The following LRP1B variants were observed in gnomAD, a reference collection of about 807,000 sequenced individuals.
LRP1B encodes LDL receptor related protein 1B, also known as low-density lipoprotein receptor-related protein 1B.
Under a neutral mutation model 556.6 loss-of-function variants are expected in LRP1B, and 217 were observed. The ratio of observed to expected loss-of-function variants is 0.39; its 90% CI spans 0.35 to 0.44. LRP1B has a LOEUF of 0.44. LRP1B is among the 20% of genes least tolerant of loss of function. The pLI is 1.00. For synonymous variants in LRP1B, 2,047 were observed against 1,865.8 expected, an observed-to-expected ratio of 1.10 and a Z score of -2.50; for missense variants, 5,053 against 5,620.8, an observed-to-expected ratio of 0.90 and a Z score of 3.23.
At chr2:140,724,638 G>A (rs1574284753) in intron 35 of LRP1B, among the ~76,000 whole-genome samples, 1 of 152,062 alleles carries the variant, frequency 6.6e-6, no homozygotes, top group Non-Finnish European at 1.5e-5. Flanking sequence ...ACTATTTTCA[G>A]TTAATGTAGT....
In LRP1B at chr2:140,977,393, C is replaced by T. The variant is rs80109800; in HGVS notation, c.2887+4767G>A. 2.3e-4 allele frequency among the ~76,000 whole-genome samples: 35 copies of T among 152,168 alleles called. 1 individual carries two copies. In the East Asian group the frequency reaches 4.6e-3, roughly 20 times the overall value. The stretch of plus-strand genomic sequence containing the variant: ...TTTCTTTTGTAAATTGTCCAGTCTA[C>T]GGTATGTCTTCACCAGCAGCGTGAA... On this transcript the variant is annotated intron_variant, in intron 18 of 90. Transcript: ENST00000389484.
At chr2:140,479,037 C>A (rs1388730296) in intron 59 of LRP1B, among the ~76,000 whole-genome samples, 3 of 151,702 alleles carry the variant, frequency 2.0e-5, no homozygotes, top group Non-Finnish European at 4.4e-5. Flanking sequence ...TTTAAGTATT[C>A]GTCAAGCAGA....
chr2:141,815,844 A>G (rs2381152), intron 1 of LRP1B, among the ~76,000 whole-genome samples: 85,091 of 151,234 alleles, frequency 0.56, 24,976 homozygotes, highest in African/African-American at 0.74. Flanking sequence ...AACACTCACT[A>G]TTAAGGTCCG....
At chr2:142,104,119 G>C (rs1706663553) in intron 1 of LRP1B, among the ~76,000 whole-genome samples, 1 of 152,038 alleles carries the variant, frequency 6.6e-6, no homozygotes, top group Non-Finnish European at 1.5e-5. Flanking sequence ...GTAGAAAAAA[G>C]ATGACACACA....
intron 1 of LRP1B, among the ~76,000 whole-genome samples, chr2:141,990,987 G>A (rs957422991): frequency 1.3e-5 from 2 of 151,904 alleles, no homozygotes; most frequent in Admixed American, 6.6e-5. Context: ...CGGGTAACTG[G>A]TACATAGGTC....
chr2:141,923,413 A>G (rs1700243821), intron 1 of LRP1B, among the ~76,000 whole-genome samples: 1 of 138,380 alleles, frequency 7.2e-6, no homozygotes, highest in African/African-American at 2.6e-5. Context: ...CTATATATAT[A>G]TATATATATA....
At chr2:140,415,576 C>T (rs1685157593) in intron 66 of LRP1B, among the ~76,000 whole-genome samples, 1 of 152,126 alleles carries the variant, frequency 6.6e-6, no homozygotes, top group Non-Finnish European at 1.5e-5. Flanking sequence ...AAAATAGAAC[C>T]TACACTGAAA....
intron 75 of LRP1B, among the ~76,000 whole-genome samples, chr2:140,355,962 C>T (rs1039886813): frequency 1.3e-5 from 2 of 151,778 alleles, no homozygotes; most frequent in African/African-American, 4.8e-5. Flanking sequence ...TTTACCTATT[C>T]CAGTATTGCA....
intron 2 of LRP1B, among the ~76,000 whole-genome samples, chr2:141,675,163 C>T (rs549391378): frequency 7.8e-4 from 118 of 151,972 alleles, no homozygotes; most frequent in African/African-American, 2.6e-3. Flanking sequence ...AGACATTGTA[C>T]ACTAAATGCA....
intron 37 of LRP1B, 93 bp downstream of exon 37, chr2:140,715,880 C>T (rs2105460683): frequency 9.7e-7 from 1 of 1,035,708 alleles, no homozygotes; most frequent in Admixed American, 2.6e-5. Context: ...GATTTTGTCT[C>T]AGACATTACA....
At chr2:141,891,190 A>T in intron 1 of LRP1B, among the ~76,000 whole-genome samples, 1 of 152,094 alleles carries the variant, frequency 6.6e-6, no homozygotes, top group East Asian at 1.9e-4. Flanking sequence ...AGAAGGCATA[A>T]CCATCAAGAA....
intron 43 of LRP1B, among the ~76,000 whole-genome samples, chr2:140,563,342 A>G (rs890522968): frequency 2.6e-5 from 4 of 152,090 alleles, no homozygotes; most frequent in African/African-American, 9.7e-5. Flanking sequence ...AAAATTTGAT[A>G]TTTTCTATTT....
intron 82 of LRP1B, 93 bp downstream of exon 82, chr2:140,321,870 T>C: frequency 1.6e-6 from 2 of 1,275,498 alleles, no homozygotes; most frequent in South Asian, 2.8e-5. Context: ...GCTAAACTGA[T>C]GATGGAACAG....
intron 18 of LRP1B, among the ~76,000 whole-genome samples, chr2:140,955,491 G>A (rs900720821): frequency 6.6e-6 from 1 of 151,670 alleles, no homozygotes; most frequent in African/African-American, 2.4e-5. Flanking sequence ...CTGAAAAAGA[G>A]AAAAATTATG....
intron 84 of LRP1B, among the ~76,000 whole-genome samples, chr2:140,285,511 A>T (rs1047455786): frequency 5.3e-5 from 8 of 151,614 alleles, no homozygotes; most frequent in African/African-American, 1.7e-4. Flanking sequence ...CACCTTGAAA[A>T]GGTCACCTGG....
At chr2:141,474,828 C>T (rs1365775803) in intron 3 of LRP1B, among the ~76,000 whole-genome samples, 1 of 151,998 alleles carries the variant, frequency 6.6e-6, no homozygotes, top group Non-Finnish European at 1.5e-5. Flanking sequence ...TGGGGGTGAG[C>T]TTTTCATATG....
intron 9 of LRP1B, among the ~76,000 whole-genome samples, chr2:141,055,494 A>C (rs1699155253): frequency 6.6e-6 from 1 of 151,978 alleles, no homozygotes; most frequent in Non-Finnish European, 1.5e-5. Context: ...CTAAGAAATA[A>C]AATGTGTTTA....
chr2:140,328,629 G>T (rs1425094981), intron 79 of LRP1B, among the ~76,000 whole-genome samples: 1 of 152,028 alleles, frequency 6.6e-6, no homozygotes, highest in African/African-American at 2.4e-5. Flanking sequence ...GCCAAAATTT[G>T]TAAGATAGTA....
chr2:141,853,832 A>G (rs1336808753), intron 1 of LRP1B, among the ~76,000 whole-genome samples: 3 of 152,034 alleles, frequency 2.0e-5, no homozygotes, highest in African/African-American at 7.2e-5. Context: ...TTTGAAAACT[A>G]TACATATACA....
Sources: allele counts gnomAD v4.1 joint callset (sites outside exome capture counted in the v4.1 genomes callset), GRCh38; gene constraint gnomAD v4.1.1; transcripts MANE v1.5; gene names NCBI Gene and HGNC (gene_info 2026-07-23, HGNC 2026-07-21).